SLFN12L: variants seen among roughly 807,000 people sequenced by gnomAD.
SLFN12L encodes the protein schlafen family member 12 like, also known as schlafen family member 12-like.
In SLFN12L, 34 loss-of-function variants were observed where a neutral mutation model predicts 34.8. The ratio of observed to expected loss-of-function variants is 0.98; its 90% confidence interval spans 0.74 to 1.30. The LOEUF (loss-of-function observed/expected upper bound fraction) is 1.30, where lower values mean the gene tolerates loss of function less well. Ranked by LOEUF, SLFN12L falls within the 50% of genes most tolerant of loss-of-function variation. The pLI, the probability that SLFN12L is intolerant of heterozygous loss-of-function variation, is 0.00. For synonymous variants in SLFN12L, 259 were observed against 247.5 expected (o/e 1.05, Z -0.44); for missense variants, 703 against 696.2 (o/e 1.01, Z -0.11).
intron 1 of SLFN12L, among the ~76,000 whole-genome samples, chr17:35,530,144 G>A (rs756492456): frequency 4.5e-5 from 6 of 132,840 alleles, no homozygotes; most frequent in African/African-American, 1.7e-4. Flanking sequence ...TTTTGAGATC[G>A]AGACCATCCT....
At chr17:35,492,294 C>A (rs771698322) in intron 2 of SLFN12L, among the ~76,000 whole-genome samples, 3 of 152,170 alleles carry the variant, frequency 2.0e-5, no homozygotes, top group Admixed American at 6.5e-5. Context: ...GGCTTGCTGA[C>A]ATGGGTGACC....
intron 2 of SLFN12L, chr17:35,514,948 G>T: frequency 2.3e-6 from 1 of 433,234 alleles, no homozygotes. Flanking sequence ...CTTTAGCTAG[G>T]ATCTCTTCAC....
chr17:35,502,793 A>G (rs1016967565), intron 2 of SLFN12L, among the ~76,000 whole-genome samples: 9 of 152,358 alleles, frequency 5.9e-5, no homozygotes, highest in Admixed American at 5.9e-4. Flanking sequence ...CCACAGACAT[A>G]AAGGAAGTTT....
rs1344780029 is a variant in SLFN12L, at chr17:35,469,133, A to C, written c.*5790T>G. Among the ~76,000 whole-genome samples, 2 of 147,312 alleles carry C rather than the reference A, an allele frequency of 1.4e-5. No homozygotes were observed. The highest frequency in any genetic ancestry group is 5.1e-5 in the African/African-American group (2 of 39,526). On this transcript the variant is annotated 3_prime_UTR_variant, in exon 5 of 5. Transcript: ENST00000628453. Reference sequence around the variant, plus strand: ...CACTAACTCCCCAGTGCCTACCCCTACTACCCCCTCAAGCTTTCCCCCGTG... The same window carrying C: ...CACTAACTCCCCAGTGCCTACCCCTCCTACCCCCTCAAGCTTTCCCCCGTG...
chr17:35,487,410 CT>C, intron 2 of SLFN12L, among the ~76,000 whole-genome samples: 1 of 152,240 alleles, frequency 6.6e-6, no homozygotes, highest in Admixed American at 6.5e-5. Flanking sequence ...AGCCTCGGGT[CT>C]CCCCGAGATC....
rs528556452 is a variant in SLFN12L, at chr17:35,492,837, C to T, written c.87-12642G>A. ...CTAAGGACTGTGGGAATGAGGGGGT[C>T]AGATAAAGAACAAACCTCAAAACAA... On this transcript the variant is annotated intron_variant, in intron 2 of 4. Coordinates refer to ENST00000628453, the MANE Select transcript of SLFN12L (RefSeq NM_001363830.2). Among the ~76,000 whole-genome samples the T allele has an allele frequency of 5.3e-5, 8 of 151,992 alleles. No homozygotes were observed. The East Asian group carries it at 1.5e-3, about 29-fold the overall frequency.
chr17:35,490,194 G>C, intron 2 of SLFN12L: 6 of 1,600,664 alleles, frequency 3.7e-6, no homozygotes, highest in Non-Finnish European at 5.1e-6. Context: ...GCGCTGGGAC[G>C]AGGCGGCAGT....
At chr17:35,494,529 T>A (rs1196493839) in intron 2 of SLFN12L, among the ~76,000 whole-genome samples, 1 of 152,356 alleles carries the variant, frequency 6.6e-6, no homozygotes, top group Admixed American at 6.5e-5. Flanking sequence ...CATTGCAGCT[T>A]GTGCTGGAGG....
intron 1 of SLFN12L, among the ~76,000 whole-genome samples, chr17:35,525,818 G>A (rs1412819489): frequency 1.3e-5 from 2 of 152,152 alleles, no homozygotes; most frequent in Admixed American, 6.5e-5. Context: ...AAAATAACCA[G>A]CTAGCATCAT....
chr17:35,477,095 AATC>A (rs928112340), intron 4 of SLFN12L, among the ~76,000 whole-genome samples: 2 of 152,174 alleles, frequency 1.3e-5, no homozygotes, highest in African/African-American at 4.8e-5. Context: ...AATGGATAAA[AATC>A]ATCAGGGGTT....
chr17:35,496,871 C>T (rs1185661233), intron 2 of SLFN12L, among the ~76,000 whole-genome samples: 1 of 152,148 alleles, frequency 6.6e-6, no homozygotes, highest in Non-Finnish European at 1.5e-5. Flanking sequence ...GGGCCCAAAA[C>T]GTTTTGCCAG....
intron 2 of SLFN12L, chr17:35,490,760 C>G (rs2142140238): frequency 6.7e-7 from 1 of 1,489,556 alleles, no homozygotes; most frequent in East Asian, 2.3e-5. Context: ...AAAGACCAAA[C>G]TGTTATAGTT....
chr17:35,489,519 A>C (rs569253310), intron 2 of SLFN12L, among the ~76,000 whole-genome samples: 1 of 152,212 alleles, frequency 6.6e-6, no homozygotes, highest in South Asian at 2.1e-4. Context: ...AGGCTACTGC[A>C]CTCCAGCCTG....
At position 35,494,419 on chromosome 17, in the gene SLFN12L, TA is replaced by T. The variant is rs575150593; in HGVS notation, c.87-14225del. On this transcript the variant is annotated intron_variant, in intron 2 of 4. Transcript: ENST00000628453. Reference sequence around the variant, plus strand: ...TCCTTAATCTGTTAAAGATTATTTATAAAATAAAAACTTTTAAAAAATCACA... The same window carrying T: ...TCCTTAATCTGTTAAAGATTATTTATAAATAAAAACTTTTAAAAAATCACA... 1.7e-3 allele frequency among the ~76,000 whole-genome samples: 257 copies of T among 152,316 alleles called. 1 individual carries two copies. Among genetic ancestry groups the T allele is most frequent in the African/African-American group, 5.9e-3 (245 of 41,578 alleles).
intron 2 of SLFN12L, chr17:35,498,307 A>G (rs551618671): frequency 9.9e-5 from 83 of 836,332 alleles, no homozygotes; most frequent in East Asian, 9.4e-4. Context: ...CCCCTGAAGC[A>G]AGGACTGCGG....
rs757042063 is a variant in SLFN12L, at chr17:35,475,230, T to C, written c.1532A>G (p.Asp511Gly). ...FHMVQDEEFK[D>G]YSTQTAQTLK... ...AGTTTGGGCAGTTTGTGTAGAATAG[T>C]CTTTAAACTCCTCATCCTGTACCAT... The change falls in exon 5 of 5, where the codon GAC (aspartate) becomes GGC (glycine). Residue 511 changes from aspartate to glycine, a missense_variant. Transcript: ENST00000628453. 1.9e-6 allele frequency: 3 copies of C among 1,614,154 alleles called. No homozygotes were observed. The highest frequency in any genetic ancestry group is 2.5e-6 in the Non-Finnish European group (3 of 1,180,020).
intron 1 of SLFN12L, among the ~76,000 whole-genome samples, chr17:35,537,296 A>T (rs773143133): frequency 6.6e-6 from 1 of 152,200 alleles, no homozygotes; most frequent in Admixed American, 6.5e-5. Context: ...CTCTCAGCCC[A>T]GCCAGGTTCC....
rs1555545952 is a variant in SLFN12L, at chr17:35,530,441, G to GAAGGAAAGAAAGAAAGAAAGA, written c.-606+7131_-606+7132insTCTTTCTTTCTTTCTTTCCTT. 1.8e-4 allele frequency among the ~76,000 whole-genome samples: 3 copies of GAAGGAAAGAAAGAAAGAAAGA among 16,838 alleles called. 1 individual carries two copies. The highest frequency in any genetic ancestry group is 2.2e-4 in the Non-Finnish European group (1 of 4,466). 11.0% of individuals were successfully genotyped at this position (16,838 alleles called of 152,430 possible). The stretch of plus-strand genomic sequence containing the variant: ...AGGAAGGAAGGAAGGGAAGGGAAGG[G>GAAGGAAAGAAAGAAAGAAAGA]AAGAAAGAAAGAAAGAAAGAAAGAA... On this transcript the variant is annotated intron_variant, in intron 1 of 4. Transcript: ENST00000628453.
At chr17:35,498,603 A>C in intron 2 of SLFN12L, 12 of 1,606,638 alleles carry the variant, frequency 7.5e-6, no homozygotes, top group Non-Finnish European at 1.0e-5. Flanking sequence ...GTTTCTGCAG[A>C]AAGCTAGCCA....
Sources: gnomAD v4.1 joint callset for allele counts (sites outside exome capture counted in the v4.1 genomes callset) on GRCh38, gnomAD v4.1.1 for gene constraint, MANE v1.5 for transcripts, NCBI Gene and HGNC (gene_info 2026-07-23, HGNC 2026-07-21) for gene names.